Variants in NHP2 observed in about 807,000 individuals in gnomAD.
NHP2 encodes the protein NHP2 ribonucleoprotein, also known as H/ACA ribonucleoprotein complex subunit 2.
In NHP2, 10 loss-of-function variants were observed where a neutral mutation model predicts 16.7. The observed-to-expected ratio is 0.60, with a 90% CI of 0.37 to 1.01. The LOEUF (loss-of-function observed/expected upper bound fraction) is 1.01, where lower values mean the gene tolerates loss of function less well. NHP2 is among the 50% of genes least tolerant of loss of function. The pLI is 0.01. For synonymous variants in NHP2, 87 were observed against 78.9 expected (o/e 1.10, Z -0.54); for missense variants, 184 against 198.3 (o/e 0.93, Z 0.43).
At chr5:178,152,082 ACT>A (rs1756291882) in intron 2 of NHP2, among the ~76,000 whole-genome samples, 2 of 151,408 alleles carry the variant, frequency 1.3e-5, no homozygotes, top group South Asian at 2.1e-4. Context: ...GTCCCCTTTA[ACT>A]CTGTCTCCAC....
At chr5:178,151,824 T>C (rs937021503) in intron 2 of NHP2, among the ~76,000 whole-genome samples, 1 of 151,982 alleles carries the variant, frequency 6.6e-6, no homozygotes, top group African/African-American at 2.4e-5. Context: ...TCTTCCATGC[T>C]CCAAACCCCT....
intron 3 of NHP2, chr5:178,150,411 C>T: frequency 3.7e-6 from 1 of 272,730 alleles, no homozygotes; most frequent in Non-Finnish European, 7.3e-6. Flanking sequence ...CAGGGCCTCA[C>T]TCTGTCATGC....
At chr5:178,151,116 G>A in intron 2 of NHP2, 123 bp from the exon 3 acceptor site, 1 of 820,174 alleles carries the variant, frequency 1.2e-6, no homozygotes, top group South Asian at 1.4e-5. Flanking sequence ...CACTATTTGG[G>A]GGTGATCTCT....
intron 3 of NHP2, chr5:178,150,555 A>AT (rs992693371): frequency 9.6e-5 from 39 of 407,980 alleles, no homozygotes; most frequent in African/African-American, 5.1e-4. Flanking sequence ...AATTAAAAAA[A>AT]TTTTTTTTGT....
rs201618462 is a variant in NHP2 at position 178,149,691 on chromosome 5, G to A, written c.*22C>T. ...AGCCCAATAGCTTCCAGCGGCAGGT[G>A]CCCAGGTGCTACCGGAGCCCCTCAT... On this transcript the variant is annotated 3_prime_UTR_variant, in exon 4 of 4. Transcript: ENST00000274606. The A allele has an allele frequency of 6.2e-7, 1 of 1,612,338 alleles. No individual in the cohort carries two copies. Among genetic ancestry groups the A allele is most frequent in the African/African-American group, 1.3e-5 (1 of 75,014 alleles).
intron 3 of NHP2, 76 bp downstream of exon 3, chr5:178,150,812 C>T (rs1309050113): frequency 5.2e-6 from 5 of 966,132 alleles, no homozygotes; most frequent in Non-Finnish European, 8.5e-6. Context: ...TGGCTCTTTC[C>T]CACACTCTCC....
At chr5:178,150,630 G>A (rs760324620) in intron 3 of NHP2, 1 of 644,252 alleles carries the variant, frequency 1.6e-6, no homozygotes, top group South Asian at 1.5e-5. Context: ...TGATCCTCCT[G>A]TCTTGGCCTC....
chr5:178,151,322 G>A (rs2113470257), intron 2 of NHP2, among the ~76,000 whole-genome samples: 1 of 152,330 alleles, frequency 6.6e-6, no homozygotes, highest in African/African-American at 2.4e-5. Flanking sequence ...GGGCGGGGGA[G>A]AGCATGTGGT....
intron 2 of NHP2, 105 bp from the exon 3 acceptor site, chr5:178,151,098 G>C (rs1328274444): frequency 4.1e-5 from 38 of 931,600 alleles, no homozygotes; most frequent in Non-Finnish European, 5.7e-5. Flanking sequence ...AATTGTGTTT[G>C]GTGAGCACAC....
chr5:178,151,329 T>A (rs980443769), intron 2 of NHP2, among the ~76,000 whole-genome samples: 3 of 151,800 alleles, frequency 2.0e-5, no homozygotes, highest in Non-Finnish European at 2.9e-5. Context: ...GGAGAGCATG[T>A]GGTGTGAGAA....
chr5:178,151,219 C>G (rs1449599618), intron 2 of NHP2, among the ~76,000 whole-genome samples: 1 of 152,162 alleles, frequency 6.6e-6, no homozygotes. Flanking sequence ...GCTCAGCTCT[C>G]TTTGGAGAGT....
intron 2 of NHP2, chr5:178,153,137 G>A (rs933808995): frequency 2.5e-6 from 1 of 397,418 alleles, no homozygotes; most frequent in African/African-American, 2.1e-5. Context: ...AGCCGGAGAG[G>A]GGTCATCCCT....
chr5:178,150,398 A>G, intron 3 of NHP2: 1 of 247,690 alleles, frequency 4.0e-6, no homozygotes, highest in East Asian at 1.0e-4. Context: ...TTTTTTTTTG[A>G]GACAGGGCCT....
chr5:178,152,615 G>C (rs1756304670), intron 2 of NHP2, among the ~76,000 whole-genome samples: 1 of 152,174 alleles, frequency 6.6e-6, no homozygotes, highest in Non-Finnish European at 1.5e-5. Context: ...ATGTAAACAA[G>C]GTTCAAACTT....
chr5:178,150,710 C>G (rs374402366), intron 3 of NHP2, 178 bp downstream of exon 3: 6 of 749,452 alleles, frequency 8.0e-6, no homozygotes, highest in Admixed American at 3.6e-5. Flanking sequence ...AAGATGGGAA[C>G]TGAAATGCAA....
intron 3 of NHP2, chr5:178,150,408 T>C: frequency 3.7e-6 from 1 of 271,816 alleles, no homozygotes. Flanking sequence ...AGACAGGGCC[T>C]CACTCTGTCA....
intron 3 of NHP2, 77 bp downstream of exon 3, chr5:178,150,811 C>T (rs768224375): frequency 2.8e-5 from 27 of 955,332 alleles, no homozygotes; most frequent in Admixed American, 2.5e-4. Flanking sequence ...CTGGCTCTTT[C>T]CCACACTCTC....
intron 3 of NHP2, chr5:178,150,083 G>T: frequency 2.5e-6 from 1 of 403,808 alleles, no homozygotes; most frequent in South Asian, 2.7e-5. Context: ...AGCCCAGCAG[G>T]GGCTGTCCCG....
rs1158402728 is a variant in NHP2, at chr5:178,149,733, A to G, written c.442T>C (p.Ser148Pro). 1 of 1,613,922 alleles carries G rather than the reference A, an allele frequency of 6.2e-7. No individual in the cohort carries two copies. Among genetic ancestry groups the G allele is most frequent in the Non-Finnish European group, 8.5e-7 (1 of 1,179,954 alleles). The change falls in exon 4 of 4, where the codon TCC becomes CCC. Residue 148 changes from serine (S) to proline (P), a missense_variant. Ser to Pro is a moderately conservative substitution (Grantham distance 74). Coordinates refer to ENST00000274606, the MANE Select transcript of NHP2 (RefSeq NM_017838.4). Reference sequence around the variant, plus strand: ...GCCCCTCATAGGGGTAGGGGCAGGGACTGCACCTCCTCCAGGCACTCATCG... The same window carrying G: ...GCCCCTCATAGGGGTAGGGGCAGGGGCTGCACCTCCTCCAGGCACTCATCG... ...AYDECLEEVQ[S>P]LPLPL
Sources: gnomAD v4.1 joint callset for allele counts (sites outside exome capture counted in the v4.1 genomes callset) on GRCh38, gnomAD v4.1.1 for gene constraint, MANE v1.5 for transcripts, NCBI Gene and HGNC (gene_info 2026-07-23, HGNC 2026-07-21) for gene names.